ANKRD44: variants seen among roughly 807,000 people sequenced by gnomAD.
ANKRD44 encodes serine/threonine-protein phosphatase 6 regulatory ankyrin repeat subunit B.
Under a neutral mutation model 116.0 loss-of-function variants are expected in ANKRD44, and 35 were observed. That is an observed-to-expected ratio of 0.30 (90% CI 0.23 to 0.40). The LOEUF is 0.40. Ranked by LOEUF, ANKRD44 falls within the 10% of genes least tolerant of loss-of-function variation. The probability of loss-of-function intolerance (pLI) is 1.00; values close to 1 mark genes in which losing one functional copy is unlikely to be tolerated. For missense variants in ANKRD44, 1,014 were observed against 1,242.6 expected (o/e 0.82, Z 2.77); for synonymous variants, 435 against 461.8 (o/e 0.94, Z 0.74).
chr2:197,011,435 G>A (rs1280470660), intron 18 of ANKRD44, among the ~76,000 whole-genome samples: 1 of 151,212 alleles, frequency 6.6e-6, no homozygotes, highest in African/African-American at 2.4e-5. Flanking sequence ...TTTGTTTTTT[G>A]GTACAGTAGC....
At chr2:197,296,288 T>G (rs1226097495) in intron 1 of ANKRD44, 1 of 152,182 alleles carries the variant, frequency 6.6e-6, no homozygotes, top group East Asian at 1.9e-4. Context: ...CTAGGACCTT[T>G]TGAGGGGCCA....
At chr2:197,015,426 T>A in intron 17 of ANKRD44, 1 of 539,568 alleles carries the variant, frequency 1.9e-6, no homozygotes, top group Non-Finnish European at 3.3e-6. Context: ...CTACAGTTGA[T>A]AAAACTGTCA....
At chr2:197,057,312 T>G (rs934665694) in intron 16 of ANKRD44, among the ~76,000 whole-genome samples, 2 of 152,206 alleles carry the variant, frequency 1.3e-5, no homozygotes, top group Admixed American at 6.6e-5. Context: ...TGAGCTACCC[T>G]TGCATTCCCA....
intron 21 of ANKRD44, among the ~76,000 whole-genome samples, chr2:196,974,067 T>C (rs2075739300): frequency 1.3e-5 from 2 of 152,026 alleles, no homozygotes; most frequent in Non-Finnish European, 2.9e-5. Flanking sequence ...ATGTGGAAAT[T>C]AAACAACATA....
chr2:197,170,795 T>C (rs962848707), intron 2 of ANKRD44, among the ~76,000 whole-genome samples: 4 of 152,122 alleles, frequency 2.6e-5, no homozygotes, highest in African/African-American at 9.7e-5. Flanking sequence ...GCAGTGAGAT[T>C]CTCTATTTAA....
At chr2:197,257,394 TA>T (rs1207625731) in intron 1 of ANKRD44, among the ~76,000 whole-genome samples, 1 of 151,840 alleles carries the variant, frequency 6.6e-6, no homozygotes, top group African/African-American at 2.4e-5. Flanking sequence ...TTTACTTGAT[TA>T]AAAGAATCAA....
At chr2:197,075,235 C>T (rs911846821) in intron 16 of ANKRD44, among the ~76,000 whole-genome samples, 2 of 152,028 alleles carry the variant, frequency 1.3e-5, no homozygotes, top group Non-Finnish European at 2.9e-5. Flanking sequence ...TGTTCATGGA[C>T]AAATCTTTAA....
chr2:197,147,273 A>G (rs778866218), intron 2 of ANKRD44, among the ~76,000 whole-genome samples, 168 bp from the exon 3 acceptor site: 29 of 152,110 alleles, frequency 1.9e-4, no homozygotes, highest in Non-Finnish European at 3.8e-4. Flanking sequence ...AACATACCCT[A>G]TAGTTACACA....
chr2:197,262,041 A>G (rs2082618594), intron 1 of ANKRD44, among the ~76,000 whole-genome samples: 1 of 152,378 alleles, frequency 6.6e-6, no homozygotes, highest in Middle Eastern at 3.4e-3. Flanking sequence ...TAGGCTTTAC[A>G]ATAAGAGTCT....
Position 196,989,381 on chromosome 2 carries a change from C to T in ANKRD44, c.*210G>A, listed in dbSNP as rs190402015. 2.7e-3 allele frequency: 3,090 copies of T among 1,138,522 alleles called. 8 individuals carry two copies. Among genetic ancestry groups the T allele is most frequent in the South Asian group, 4.5e-3 (132 of 29,298 alleles). 70.5% of individuals were successfully genotyped at this position (1,138,522 alleles called of 1,614,324 possible). A position where few individuals can be genotyped will look rare whatever the true frequency, so the allele number is the denominator to read the frequency against. ...ATAAAATACAACAAAGACTGGTACACAGAAAGATTACATTTAACTCCATAA... is the reference window on the plus strand; with the variant it reads ...ATAAAATACAACAAAGACTGGTACATAGAAAGATTACATTTAACTCCATAA... On this transcript the variant is annotated 3_prime_UTR_variant, in exon 28 of 28. Transcript: ENST00000282272.
At chr2:197,247,161 T>C (rs1053051683) in intron 1 of ANKRD44, among the ~76,000 whole-genome samples, 3 of 152,168 alleles carry the variant, frequency 2.0e-5, no homozygotes, top group African/African-American at 7.2e-5. Flanking sequence ...TGCAATGTCA[T>C]AGAAAAAAAT....
At chr2:197,240,374 C>CAA (rs5837533) in intron 1 of ANKRD44, among the ~76,000 whole-genome samples, 4,206 of 96,546 alleles carry the variant, frequency 0.044, 335 homozygotes, top group African/African-American at 0.16. Context: ...GGCTCCAGCT[C>CAA]AAAAAAAAAA....
chr2:197,051,309 C>A (rs139161585), intron 16 of ANKRD44, among the ~76,000 whole-genome samples: 17 of 152,222 alleles, frequency 1.1e-4, no homozygotes, highest in Non-Finnish European at 2.5e-4. Flanking sequence ...CACAATAGAG[C>A]CCAACCTTCT....
intron 25 of ANKRD44, among the ~76,000 whole-genome samples, chr2:196,997,141 A>C (rs1346728868): frequency 6.6e-6 from 1 of 151,870 alleles, no homozygotes; most frequent in African/African-American, 2.4e-5. Context: ...AACATGTATA[A>C]TACAAATATT....
chr2:197,034,520 G>T, intron 16 of ANKRD44, among the ~76,000 whole-genome samples: 2 of 147,344 alleles, frequency 1.4e-5, no homozygotes, highest in Admixed American at 6.9e-5. Context: ...CTCATTCCAA[G>T]GACTGACTTG....
At chr2:197,156,480 A>G (rs1484940962) in intron 2 of ANKRD44, among the ~76,000 whole-genome samples, 3 of 152,272 alleles carry the variant, frequency 2.0e-5, no homozygotes, top group South Asian at 2.1e-4. Context: ...TGGAGGAACT[A>G]TAACATTCAG....
At position 197,121,182 on chromosome 2, in the gene ANKRD44, C is replaced by A. The variant is rs116803264; in HGVS notation, c.906+150G>T. On this transcript the variant is annotated intron_variant, in intron 8 of 27. Coordinates refer to ENST00000282272, the MANE Select transcript of ANKRD44 (RefSeq NM_001195144.2). ...AACCTCATGATCTACCTGCCTCAGCCTCCAGACAACTTTTCTTATAGCCTC... is the reference window on the plus strand; with the variant it reads ...AACCTCATGATCTACCTGCCTCAGCATCCAGACAACTTTTCTTATAGCCTC... The A allele has an allele frequency of 9.4e-5, 68 of 722,002 alleles. No homozygotes were observed. The African/African-American group carries it at 1.1e-3, about 12-fold the overall frequency. The allele number at this position is 722,002 out of a possible 1,614,324, so 44.7% of individuals were successfully genotyped here. A position where few individuals can be genotyped will look rare whatever the true frequency, so the allele number is the denominator to read the frequency against.
intron 1 of ANKRD44, among the ~76,000 whole-genome samples, chr2:197,259,806 A>G (rs1035870504): frequency 6.6e-6 from 1 of 152,216 alleles, no homozygotes; most frequent in Non-Finnish European, 1.5e-5. Context: ...CTCCTGGGGC[A>G]TATAACCACC....
chr2:197,204,509 G>C (rs1478461968), intron 1 of ANKRD44, among the ~76,000 whole-genome samples: 1 of 152,116 alleles, frequency 6.6e-6, no homozygotes, highest in Non-Finnish European at 1.5e-5. Flanking sequence ...TTCAGGTAGG[G>C]GGCTAGACAA....
Sources: gnomAD v4.1 joint callset for allele counts (sites outside exome capture counted in the v4.1 genomes callset) on GRCh38, gnomAD v4.1.1 for gene constraint, MANE v1.5 for transcripts, NCBI Gene and HGNC (gene_info 2026-07-23, HGNC 2026-07-21) for gene names.